The following RBFOX1 variants were observed in gnomAD, a reference collection of about 807,000 sequenced individuals.
RBFOX1 encodes RNA binding protein fox-1 homolog 1.
RBFOX1 carries 8 observed loss-of-function variants against 57.7 expected under a neutral mutation model. That is an observed-to-expected ratio of 0.14 (90% CI 0.08 to 0.25). The LOEUF (loss-of-function observed/expected upper bound fraction) is 0.25, where lower values mean the gene tolerates loss of function less well. Ranked by LOEUF, RBFOX1 falls within the 10% of genes least tolerant of loss-of-function variation. The pLI, the probability that RBFOX1 is intolerant of heterozygous loss-of-function variation, is 1.00. For missense variants in RBFOX1, 611 were observed against 548.5 expected (o/e 1.11, Z -1.14); for synonymous variants, 326 against 222.4 (o/e 1.47, Z -4.15).
chr16:5,824,685 C>G (rs1229485762), intron 3 of RBFOX1, among the ~76,000 whole-genome samples: 1 of 152,228 alleles, frequency 6.6e-6, no homozygotes, highest in African/African-American at 2.4e-5. Context: ...GGCATCTTGC[C>G]TTTGCAGGGC....
chr16:6,887,353 G>A (rs1391428828), intron 3 of RBFOX1, among the ~76,000 whole-genome samples: 2 of 152,148 alleles, frequency 1.3e-5, no homozygotes, highest in East Asian at 1.9e-4. Context: ...AAGTTGAGAA[G>A]TTGACAGTTC....
intron 2 of RBFOX1, among the ~76,000 whole-genome samples, chr16:5,559,667 C>T (rs1272605039): frequency 2.0e-5 from 3 of 152,178 alleles, no homozygotes; most frequent in African/African-American, 7.2e-5. Context: ...TCAATTTTCT[C>T]CTCTTTCCCC....
At chr16:7,647,532 T>C (rs1253747452) in intron 11 of RBFOX1, among the ~76,000 whole-genome samples, 1 of 137,236 alleles carries the variant, frequency 7.3e-6, no homozygotes, top group Non-Finnish European at 1.6e-5. Context: ...TGAGTTAACT[T>C]GAAATTGAAC....
chr16:6,742,480 T>G (rs939597734), intron 3 of RBFOX1, among the ~76,000 whole-genome samples: 2 of 152,152 alleles, frequency 1.3e-5, no homozygotes, highest in Non-Finnish European at 2.9e-5. Flanking sequence ...TTCTGGACAT[T>G]TATTCCACAG....
At chr16:6,160,975 C>T (rs138144260) in intron 1 of RBFOX1, among the ~76,000 whole-genome samples, 3 of 152,328 alleles carry the variant, frequency 2.0e-5, no homozygotes, top group African/African-American at 7.2e-5. Flanking sequence ...TTCTATCTCT[C>T]CTTCTTCCTA....
intron 5 of RBFOX1, among the ~76,000 whole-genome samples, chr16:7,579,250 T>C (rs560593241): frequency 1.3e-5 from 2 of 152,316 alleles, no homozygotes; most frequent in East Asian, 3.9e-4. Flanking sequence ...TGCCAACTAG[T>C]CTTTTCACAT....
At chr16:7,653,712 G>A in intron 11 of RBFOX1, 103 bp from the exon 12 acceptor site, 2 of 1,524,740 alleles carry the variant, frequency 1.3e-6, no homozygotes, top group Non-Finnish European at 1.8e-6. Context: ...GGGTCCTGCT[G>A]GGACCCTGTG....
At chr16:5,659,009 C>G (rs186482084) in intron 3 of RBFOX1, among the ~76,000 whole-genome samples, 7 of 151,846 alleles carry the variant, frequency 4.6e-5, no homozygotes, top group Admixed American at 2.0e-4. Context: ...TTTGCATAAC[C>G]TTGGTAGATA....
chr16:7,517,052 T>C (rs936238665), intron 4 of RBFOX1, among the ~76,000 whole-genome samples: 18 of 152,056 alleles, frequency 1.2e-4, no homozygotes, highest in African/African-American at 4.1e-4. Context: ...TGCTAAGTTT[T>C]TTTCCTCGCT....
chr16:7,103,485 A>G (rs996543955), intron 4 of RBFOX1, among the ~76,000 whole-genome samples: 3 of 152,204 alleles, frequency 2.0e-5, no homozygotes, highest in Non-Finnish European at 4.4e-5. Flanking sequence ...ATGAATTGGT[A>G]TGAAAAGACG....
At chr16:7,474,553 C>G (rs926055103) in intron 4 of RBFOX1, among the ~76,000 whole-genome samples, 1 of 152,038 alleles carries the variant, frequency 6.6e-6, no homozygotes, top group East Asian at 1.9e-4. Flanking sequence ...CGGTTTTTGC[C>G]TTTTTATTTT....
Position 7,567,294 on chromosome 16 carries a change from TATATGG to T in RBFOX1, c.271-12482_271-12477del, listed in dbSNP as rs2092003957. 9.6e-5 allele frequency among the ~76,000 whole-genome samples: 7 copies of T among 73,022 alleles called. 1 individual carries two copies. The highest frequency in any genetic ancestry group is 7.7e-4 in the Admixed American group (5 of 6,458). The allele number at this position is 73,022 out of a possible 152,430, so 47.9% of individuals were successfully genotyped here. On this transcript the variant is annotated intron_variant, in intron 5 of 15. Transcript: ENST00000550418. ...ATATATATATCCCTATATATCCTTA[TATATGG>T]CCCTATATATATATATATATATCTC...
intron 1 of RBFOX1, among the ~76,000 whole-genome samples, chr16:6,273,968 G>A (rs755178741): frequency 1.4e-4 from 22 of 152,230 alleles, no homozygotes; most frequent in Admixed American, 5.9e-4. Flanking sequence ...TAACCATTAA[G>A]GAAATGAAAA....
At chr16:6,735,678 G>C (rs564786699) in intron 3 of RBFOX1, among the ~76,000 whole-genome samples, 94 of 152,284 alleles carry the variant, frequency 6.2e-4, no homozygotes, top group African/African-American at 2.1e-3. Context: ...GACTCTCTCA[G>C]ATCCCTAGGG....
At chr16:5,641,109 TACACACACATGC>T (rs1198518756) in intron 3 of RBFOX1, among the ~76,000 whole-genome samples, 2 of 146,250 alleles carry the variant, frequency 1.4e-5, no homozygotes, top group Non-Finnish European at 3.0e-5. Flanking sequence ...TACACATGCA[TACACACACATGC>T]ATACACACAT....
rs191342189 is a variant in RBFOX1, at chr16:7,659,519, G to A, written c.891-5410G>A. Among the ~76,000 whole-genome samples, 243 of 152,148 alleles carry A rather than the reference G, an allele frequency of 1.6e-3. 1 individual carries two copies. The highest frequency in any genetic ancestry group is 5.5e-3 in the African/African-American group (229 of 41,500). ...GCGTCCAATCTTTTGGTTTCCCTGG[G>A]ACACACTGAAAGAATTGACTTGGAC... On this transcript the variant is annotated intron_variant, in intron 12 of 15. Coordinates refer to ENST00000550418, the MANE Select transcript of RBFOX1 (RefSeq NM_018723.4).
chr16:5,421,268 A>C (rs562161745), intron 1 of RBFOX1, among the ~76,000 whole-genome samples: 1 of 152,130 alleles, frequency 6.6e-6, no homozygotes, highest in East Asian at 2.0e-4. Context: ...CAGTCTCCCA[A>C]AGTGCTGGGA....
In RBFOX1 at chr16:5,714,884, A is replaced by G. The variant is rs184951145; in HGVS notation, c.318+115923A>G. 1.1e-4 allele frequency among the ~76,000 whole-genome samples: 16 copies of G among 150,380 alleles called. No homozygotes were observed. In the South Asian group the frequency reaches 2.3e-3, roughly 21 times the overall value. ...AGGTCACGTAGCTAGTAGACATCTC[A>G]GTGACTTCAGTGTCAAACACAGAGG... On this transcript the variant is annotated intron_variant, in intron 3 of 19. Coordinates refer to the RBFOX1 transcript ENST00000641259.
chr16:5,968,667 A>G (rs142984069), intron 4 of RBFOX1, among the ~76,000 whole-genome samples: 9 of 152,026 alleles, frequency 5.9e-5, no homozygotes, highest in African/African-American at 2.2e-4. Context: ...CCTATCCTTG[A>G]CAAAGGACAC....
Sources: allele counts gnomAD v4.1 joint callset (sites outside exome capture counted in the v4.1 genomes callset), GRCh38; gene constraint gnomAD v4.1.1; transcripts MANE v1.5; gene names NCBI Gene and HGNC (gene_info 2026-07-23, HGNC 2026-07-21).